SRCIN1: variants seen among roughly 807,000 people sequenced by gnomAD.
The protein encoded by SRCIN1 is P130Cas-associated protein.
A neutral mutation model predicts 116.2 loss-of-function variants in SRCIN1; 50 were observed. The ratio of observed to expected loss-of-function variants is 0.43; its 90% confidence interval spans 0.34 to 0.54. The LOEUF is 0.54. Ranked by LOEUF, SRCIN1 falls within the 20% of genes least tolerant of loss-of-function variation. The pLI is 0.02. For synonymous variants in SRCIN1, 736 were observed against 750.0 expected (o/e 0.98, Z 0.30); for missense variants, 1,446 against 1,672.0 (o/e 0.86, Z 2.36).
intron 18 of SRCIN1, among the ~76,000 whole-genome samples, chr17:38,540,334 C>T (rs916397698): frequency 6.6e-6 from 1 of 152,212 alleles, no homozygotes; most frequent in Non-Finnish European, 1.5e-5. Context: ...TTCTAGTCCC[C>T]TCCATCTCAA....
rs1906483737 is a variant in SRCIN1, at chr17:38,564,021, C to T, written c.541+97G>A. The T allele has an allele frequency of 8.1e-6, 11 of 1,360,326 alleles. No homozygotes were observed. In the East Asian group the frequency reaches 1.5e-4, roughly 19 times the overall value. The allele number at this position is 1,360,326 out of a possible 1,614,324, so 84.3% of individuals were successfully genotyped here. A position where few individuals can be genotyped will look rare whatever the true frequency, so the allele number is the denominator to read the frequency against. On this transcript the variant is annotated intron_variant, in intron 4 of 18. Coordinates refer to ENST00000617146, the MANE Select transcript of SRCIN1 (RefSeq NM_025248.3). ...GTGGGAAAGAGAGCAGAGCTTGAGG[C>T]GAGCTGGCGTGCTGTAGGGGAGGAG...
chr17:38,575,648 C>G (rs910513195), intron 2 of SRCIN1, among the ~76,000 whole-genome samples: 3 of 152,132 alleles, frequency 2.0e-5, no homozygotes, highest in African/African-American at 7.2e-5. Context: ...CTAAAGGTGT[C>G]ACACCTACCT....
In SRCIN1 at chr17:38,551,883, C is replaced by T. The variant is rs1322316929; in HGVS notation, c.2727+3G>A. ...CCCCACCCACAATCCCTGGCCCCAG[C>T]ACCTCAACAGACACAGCTTTGTCCA... is the stretch of plus-strand genomic sequence containing the variant. On this transcript the variant is annotated splice_donor_region_variant and intron_variant, in intron 14 of 18. Transcript: ENST00000617146. 1.2e-6 allele frequency: 2 copies of T among 1,613,718 alleles called. No homozygotes were observed. The highest frequency in any genetic ancestry group is 2.2e-5 in the South Asian group (2 of 91,084).
chr17:38,578,563 A>G lies in SRCIN1; in HGVS notation c.251T>C (p.Met84Thr). Residue 84 changes from methionine to threonine, a missense_variant, in exon 2 of 19, where the codon ATG (methionine) becomes ACG (threonine). Met to Thr is a moderately conservative substitution (Grantham distance 81, BLOSUM62 -1). Coordinates refer to ENST00000617146, the MANE Select transcript of SRCIN1 (RefSeq NM_025248.3). ...TGGGTACTTGCTCTTCAGGTGGTCC[A>G]TGAAGGCATCACGCTTGCGGTCGGC... ...ADADRKRDAF[M>T]DHLKSKYPQH... The G allele has an allele frequency of 2.5e-6, 4 of 1,611,180 alleles. No homozygotes were observed. The highest frequency in any genetic ancestry group is 3.4e-6 in the Non-Finnish European group (4 of 1,178,022).
chr17:38,585,182 G>A lies in SRCIN1; in HGVS notation c.23-6391C>T, dbSNP rs550371423. On this transcript the variant is annotated intron_variant, in intron 1 of 18. Coordinates refer to ENST00000617146, the MANE Select transcript of SRCIN1 (RefSeq NM_025248.3). The surrounding 1 kb of genome is among the most constrained non-coding windows in gnomAD (Gnocchi z 4.2). ...AAGACACCAACTCACAAGCCCACAGGACATGGGGCTAGGCAGGGCAGCAGG... is the reference window on the plus strand; with the variant it reads ...AAGACACCAACTCACAAGCCCACAGAACATGGGGCTAGGCAGGGCAGCAGG... 2.0e-4 allele frequency among the ~76,000 whole-genome samples: 31 copies of A among 152,312 alleles called. No individual in the cohort carries two copies. Among genetic ancestry groups the A allele is most frequent in the African/African-American group, 7.2e-4 (30 of 41,570 alleles).
At chr17:38,557,560 G>C (rs1006058595) in intron 11 of SRCIN1, among the ~76,000 whole-genome samples, 3 of 152,198 alleles carry the variant, frequency 2.0e-5, no homozygotes, top group Non-Finnish European at 4.4e-5. Context: ...GAAAGGCAGC[G>C]TCTCCCTTCA....
chr17:38,590,624 T>C (rs1448840681), intron 1 of SRCIN1, among the ~76,000 whole-genome samples: 4 of 152,372 alleles, frequency 2.6e-5, no homozygotes, highest in African/African-American at 4.8e-5. Flanking sequence ...CACAGTCACC[T>C]TGTGAGGTTG....
rs1237763252 is a variant in SRCIN1, at chr17:38,559,739, G to A, written c.1871C>T (p.Thr624Ile). 1.3e-6 allele frequency: 2 copies of A among 1,546,316 alleles called. No homozygotes were observed. Among genetic ancestry groups the A allele is most frequent in the Admixed American group, 1.9e-5 (1 of 51,698 alleles). ...GGGCGGGGGCGGGCCGGACACCGGG[G>A]TGGCCCCGCTGCTCCGGCCGCCTGA... ...CGSGGRSSGA[T>I]PVSGPPPPSA... Residue 624 changes from threonine to isoleucine, a missense_variant, in exon 10 of 19, where the codon ACC (threonine) becomes ATC (isoleucine). By Grantham distance (89) the Thr-to-Ile change is moderately conservative. Around this residue, in one of 5 missense-constraint regions of SRCIN1, gnomAD observed 398 missense variants for 385.6 expected, o/e 1.03. Transcript: ENST00000617146.
Position 38,563,712 on chromosome 17 carries a change from C to T in SRCIN1, c.542-191G>A, listed in dbSNP as rs533518551. ...CGGGGGCGCCAGGCCGGCTCTCCAGCCTCTCAAGGCACCCACTGGACTCCA... is the reference window on the plus strand; with the variant it reads ...CGGGGGCGCCAGGCCGGCTCTCCAGTCTCTCAAGGCACCCACTGGACTCCA... On this transcript the variant is annotated intron_variant, in intron 4 of 18. Transcript: ENST00000617146. The surrounding 1 kb of genome is among the most constrained non-coding windows in gnomAD (Gnocchi z 5.8). The T allele has an allele frequency of 2.0e-5, 16 of 788,316 alleles. No individual in the cohort carries two copies. In the East Asian group the frequency reaches 4.0e-4, roughly 20 times the overall value. The allele number at this position is 788,316 out of a possible 1,614,324, so 48.8% of individuals were successfully genotyped here. A position where few individuals can be genotyped will look rare whatever the true frequency, so the allele number is the denominator to read the frequency against.
rs189150175 is a variant in SRCIN1, at chr17:38,586,843, T to C, written c.23-8052A>G. Among the ~76,000 whole-genome samples, 859 of 152,314 alleles carry C rather than the reference T, an allele frequency of 5.6e-3. 6 individuals are homozygous for C. The highest frequency in any genetic ancestry group is 9.7e-3 in the Non-Finnish European group (657 of 68,016). On this transcript the variant is annotated intron_variant, in intron 1 of 18. Coordinates refer to ENST00000617146, the MANE Select transcript of SRCIN1 (RefSeq NM_025248.3). ...AGTTGGTAAACGAGTCAGAATCTAA[T>C]TAAAGGACCTCTTCGAGGCTGGGGG...
At position 38,563,254 on chromosome 17, in the gene SRCIN1, CG is replaced by C. The variant is rs1434846548; in HGVS notation, c.740+68del. On this transcript the variant is annotated intron_variant, in intron 5 of 18. Transcript: ENST00000617146. This position sits in a 1 kb window ranked among gnomAD's most constrained non-coding sequence, Gnocchi z 5.8. ...CAGGAAGGAGCTGGGGAAGGGCCGG[CG>C]GGGTCCAGCACCCTGCAGAGGAGGA... 2 of 1,522,910 alleles carry C rather than the reference CG, an allele frequency of 1.3e-6. No individual in the cohort carries two copies. The highest frequency in any genetic ancestry group is 1.8e-6 in the Non-Finnish European group (2 of 1,129,560). The allele number at this position is 1,522,910 out of a possible 1,614,324, so 94.3% of individuals were successfully genotyped here.
chr17:38,597,217 G>A (rs897574604), intron 1 of SRCIN1, among the ~76,000 whole-genome samples: 1 of 152,240 alleles, frequency 6.6e-6, no homozygotes, highest in African/African-American at 2.4e-5. Context: ...GCTCATTGAT[G>A]TGTCTAGCCC....
Position 38,533,112 on chromosome 17 carries a change from A to C in SRCIN1, c.*185T>G, listed in dbSNP as rs1388769971. The C allele has an allele frequency of 5.2e-5, 25 of 476,678 alleles. No homozygotes were observed. The highest frequency in any genetic ancestry group is 9.5e-5 in the South Asian group (1 of 10,476). The allele number at this position is 476,678 out of a possible 1,614,324, so 29.5% of individuals were successfully genotyped here. On this transcript the variant is annotated 3_prime_UTR_variant, in exon 19 of 19. Coordinates refer to ENST00000617146, the MANE Select transcript of SRCIN1 (RefSeq NM_025248.3). ...TTAATTGTTAAAAAAAAAAAAAAAA[A>C]CAAAACCAAAAACACCAACAGATGA... is the stretch of plus-strand genomic sequence containing the variant.
At chr17:38,540,822 C>A (rs1904690410) in intron 18 of SRCIN1, among the ~76,000 whole-genome samples, 1 of 152,034 alleles carries the variant, frequency 6.6e-6, no homozygotes, top group Admixed American at 6.6e-5. Context: ...TCCCTCCCCA[C>A]CCCCAGGTCT....
Position 38,561,567 on chromosome 17 carries a change from G to A in SRCIN1, c.1596C>T (p.Ser532=). ...SPGGKTRSAG[S]ASTAGAPPSE... ...AAGGGGGAGCTCCGGCCGTCGAGGC[G>A]CTCCCCGCGCTGCGGGTCTTCCCTC... Residue 532 remains serine (S), a synonymous_variant, in exon 7 of 19, where the codon AGC becomes AGT. Coordinates refer to ENST00000617146, the MANE Select transcript of SRCIN1 (RefSeq NM_025248.3). 5 of 1,600,138 alleles carry A rather than the reference G, an allele frequency of 3.1e-6. No individual in the cohort carries two copies. Among genetic ancestry groups the A allele is most frequent in the South Asian group, 1.1e-5 (1 of 90,234 alleles).
chr17:38,586,546 G>A (rs1473899977), intron 1 of SRCIN1, among the ~76,000 whole-genome samples: 2 of 149,034 alleles, frequency 1.3e-5, no homozygotes, highest in Non-Finnish European at 3.0e-5. Context: ...CTTCCCCAGG[G>A]GTGGGGGTAA....
intron 18 of SRCIN1, among the ~76,000 whole-genome samples, chr17:38,540,148 G>C (rs1904636759): frequency 6.6e-6 from 1 of 151,694 alleles, no homozygotes; most frequent in South Asian, 2.1e-4. Flanking sequence ...ACAAAGCCTT[G>C]ATCCTTGCAC....
Position 38,604,336 on chromosome 17 carries a change from C to T in SRCIN1, c.22+1348G>A. ...AGCTCCTCCATCTCCTTTTGAAAGG[C>T]TGCTGCCAGAAACCCCCACCCCCAG... On this transcript the variant is annotated intron_variant, in intron 1 of 18. Transcript: ENST00000617146. The surrounding 1 kb of genome is among the most constrained non-coding windows in gnomAD (Gnocchi z 4.3). The T allele has an allele frequency of 3.2e-6, 1 of 313,738 alleles. No homozygotes were observed. Among genetic ancestry groups the T allele is most frequent in the South Asian group, 2.3e-5 (1 of 43,230 alleles). The allele number at this position is 313,738 out of a possible 1,614,324, so 19.4% of individuals were successfully genotyped here. A position where few individuals can be genotyped will look rare whatever the true frequency, so the allele number is the denominator to read the frequency against.
At chr17:38,543,006 C>T (rs1303803888) in intron 18 of SRCIN1, 2 of 451,710 alleles carry the variant, frequency 4.4e-6, no homozygotes, top group Non-Finnish European at 9.0e-6. Flanking sequence ...CAAACGAGTG[C>T]ACTAAGGGTC....
Sources: allele counts gnomAD v4.1 joint callset (sites outside exome capture counted in the v4.1 genomes callset), GRCh38; gene constraint gnomAD v4.1.1; regional missense constraint gnomAD v4.1.1; non-coding constraint Gnocchi (gnomAD v3.1); transcripts MANE v1.5; gene names NCBI Gene and HGNC (gene_info 2026-07-23, HGNC 2026-07-21).